Variants in WWOX observed in about 807,000 individuals in gnomAD.
WWOX encodes the protein WW domain containing oxidoreductase.
WWOX carries 69 observed loss-of-function variants against 46.2 expected under a neutral mutation model. The observed-to-expected ratio is 1.49, with a 90% CI of 1.23 to 1.82. The LOEUF (loss-of-function observed/expected upper bound fraction) is 1.82. WWOX is among the 40% of genes most tolerant of loss of function. WWOX has a pLI of 0.00. For synonymous variants in WWOX, 359 were observed against 202.6 expected (o/e 1.77, Z -6.56); for missense variants, 919 against 542.6 (o/e 1.69, Z -6.89).
At chr16:78,753,988 G>C (rs2049568682) in intron 8 of WWOX, among the ~76,000 whole-genome samples, 2 of 150,332 alleles carry the variant, frequency 1.3e-5, no homozygotes, top group Admixed American at 6.7e-5. Flanking sequence ...CTCAAGAAAA[G>C]AGATATGCCA....
intron 8 of WWOX, chr16:79,202,885 C>T (rs2150834000): frequency 6.6e-6 from 1 of 152,224 alleles, no homozygotes; most frequent in East Asian, 1.9e-4. Context: ...GATGAGTAGT[C>T]AGCACATGCA....
At chr16:78,465,305 T>A (rs922604699) in intron 8 of WWOX, among the ~76,000 whole-genome samples, 4 of 152,248 alleles carry the variant, frequency 2.6e-5, no homozygotes, top group African/African-American at 9.6e-5. Context: ...CAGCCTTCTT[T>A]ACCATTTCTG....
At chr16:78,523,282 C>T (rs2043388374) in intron 8 of WWOX, among the ~76,000 whole-genome samples, 1 of 152,028 alleles carries the variant, frequency 6.6e-6, no homozygotes, top group South Asian at 2.1e-4. Context: ...TAATATGTGC[C>T]AGTATATATA....
chr16:78,947,029 C>T (rs769313930), intron 8 of WWOX, among the ~76,000 whole-genome samples: 3 of 148,976 alleles, frequency 2.0e-5, no homozygotes, highest in Non-Finnish European at 4.4e-5. Flanking sequence ...TCTCTGCCTC[C>T]GTAAAGGAGT....
intron 8 of WWOX, among the ~76,000 whole-genome samples, chr16:78,724,054 A>T (rs114654612): frequency 6.6e-6 from 1 of 152,158 alleles, no homozygotes; most frequent in African/African-American, 2.4e-5. Context: ...CAGGACTGGA[A>T]GCAGCATATC....
chr16:78,905,588 C>G (rs1383195563), intron 8 of WWOX, among the ~76,000 whole-genome samples: 1 of 152,048 alleles, frequency 6.6e-6, no homozygotes, highest in African/African-American at 2.4e-5. Context: ...ACCATATTGA[C>G]CAGGCCGGAC....
At chr16:78,523,758 C>T (rs774817982) in intron 8 of WWOX, among the ~76,000 whole-genome samples, 1 of 152,184 alleles carries the variant, frequency 6.6e-6, no homozygotes, top group African/African-American at 2.4e-5. Context: ...TCCAGCACAA[C>T]GTCTGATTTA....
intron 8 of WWOX, among the ~76,000 whole-genome samples, chr16:79,003,681 C>T (rs1416536845): frequency 2.0e-5 from 3 of 152,142 alleles, no homozygotes; most frequent in Admixed American, 1.3e-4. Context: ...CTGGTCTCAG[C>T]TCGTGGCTGC....
chr16:78,987,632 C>CT, intron 8 of WWOX, among the ~76,000 whole-genome samples: 1 of 152,220 alleles, frequency 6.6e-6, no homozygotes, highest in South Asian at 2.1e-4. Context: ...TTTCAAGTGG[C>CT]TTTTTTGCAT....
intron 5 of WWOX, among the ~76,000 whole-genome samples, chr16:78,263,447 G>C (rs2079289471): frequency 6.6e-6 from 1 of 152,152 alleles, no homozygotes. Context: ...TTGCCCAAAG[G>C]TGAATGGGGA....
chr16:79,070,265 C>G (rs1438666108), intron 8 of WWOX, among the ~76,000 whole-genome samples: 2 of 125,022 alleles, frequency 1.6e-5, no homozygotes, highest in Non-Finnish European at 3.3e-5. Context: ...GAATGTGTTT[C>G]TGATGTGTGT....
chr16:78,442,895 G>A (rs932292715), intron 8 of WWOX, among the ~76,000 whole-genome samples: 1 of 152,004 alleles, frequency 6.6e-6, no homozygotes, highest in Non-Finnish European at 1.5e-5. Context: ...GGCCGAGCCG[G>A]GCGAATCACG....
chr16:78,472,763 C>G (rs2084254774), intron 8 of WWOX, among the ~76,000 whole-genome samples: 1 of 132,008 alleles, frequency 7.6e-6, no homozygotes, highest in South Asian at 2.5e-4. Context: ...GAGCCGAGAT[C>G]TTGCCATTGT....
intron 4 of WWOX, among the ~76,000 whole-genome samples, chr16:78,158,254 A>G (rs1201878946): frequency 2.6e-5 from 4 of 152,224 alleles, no homozygotes; most frequent in South Asian, 2.1e-4. Flanking sequence ...TTGCGTGCAT[A>G]TTAACATTAT....
At chr16:78,519,028 T>C (rs1428463510) in intron 8 of WWOX, among the ~76,000 whole-genome samples, 1 of 152,196 alleles carries the variant, frequency 6.6e-6, no homozygotes, top group Non-Finnish European at 1.5e-5. Context: ...GGTCTAGTTT[T>C]TGTTTAGCTG....
chr16:78,731,839 C>G (rs991712737), intron 8 of WWOX, among the ~76,000 whole-genome samples: 13 of 111,506 alleles, frequency 1.2e-4, no homozygotes, highest in Non-Finnish European at 2.2e-4. Context: ...AATTTTTTTT[C>G]TTTCTCTTTT....
intron 8 of WWOX, among the ~76,000 whole-genome samples, chr16:79,190,855 C>G (rs1210760107): frequency 6.6e-6 from 1 of 152,208 alleles, no homozygotes; most frequent in Non-Finnish European, 1.5e-5. Flanking sequence ...AAAATATTTA[C>G]TATCTGCCCT....
intron 8 of WWOX, among the ~76,000 whole-genome samples, chr16:78,739,586 A>AAATC (rs2049167603): frequency 6.6e-6 from 1 of 152,098 alleles, no homozygotes; most frequent in African/African-American, 2.4e-5. Context: ...TGAGGCAGAT[A>AAATC]AATCACCTGA....
chr16:78,647,546 A>G (rs912068329), intron 8 of WWOX, among the ~76,000 whole-genome samples: 1 of 152,160 alleles, frequency 6.6e-6, no homozygotes, highest in Admixed American at 6.5e-5. Flanking sequence ...CCTAATCTCC[A>G]TCTTCTCAAA....
Sources: allele counts gnomAD v4.1 joint callset (sites outside exome capture counted in the v4.1 genomes callset), GRCh38; gene constraint gnomAD v4.1.1; transcripts MANE v1.5; gene names NCBI Gene and HGNC (gene_info 2026-07-23, HGNC 2026-07-21).